The following CAST variants were observed in gnomAD, a reference collection of about 807,000 sequenced individuals.
The protein encoded by CAST is MIR583 host.
In CAST, 76 loss-of-function variants were observed where a neutral mutation model predicts 119.6. That is an observed-to-expected ratio of 0.64 (90% confidence interval 0.53 to 0.77). The LOEUF is 0.77. CAST is among the 30% of genes least tolerant of loss of function. The pLI, the probability that CAST is intolerant of heterozygous loss-of-function variation, is 0.00. For synonymous variants in CAST, 319 were observed against 331.6 expected (o/e 0.96, Z 0.41); for missense variants, 953 against 946.5 (o/e 1.01, Z -0.09).
the CAST span, among the ~76,000 whole-genome samples, chr5:96,066,266 T>C: frequency 0.65 from 98,499 of 151,974 alleles, 32,019 homozygotes; most frequent in Middle Eastern, 0.68. Context: ...AGACAGCCTG[T>C]ATCCCTTTTG....
At chr5:96,473,444 G>A in the CAST span, among the ~76,000 whole-genome samples, 19 of 152,224 alleles carry the variant, frequency 1.2e-4, no homozygotes, top group African/African-American at 4.3e-4. Flanking sequence ...TTGGAAGCAG[G>A]CAGTTTATGT....
At chr5:96,358,026 C>T in the CAST span, among the ~76,000 whole-genome samples, 4 of 152,132 alleles carry the variant, frequency 2.6e-5, 1 homozygote, top group Non-Finnish European at 5.9e-5. Context: ...TTGGTCTATT[C>T]AGAGATTCAA....
the CAST span, among the ~76,000 whole-genome samples, chr5:95,992,261 C>A: frequency 1.3e-5 from 2 of 152,160 alleles, no homozygotes; most frequent in African/African-American, 4.8e-5. Flanking sequence ...CAATTGTCCT[C>A]CCAACCGATA....
chr5:96,594,015 G>T (rs192074565), intron 1 of CAST, among the ~76,000 whole-genome samples: 19 of 152,312 alleles, frequency 1.2e-4, no homozygotes, highest in Non-Finnish European at 4.4e-5. Context: ...CAGAATTCCA[G>T]TGCACCCACA....
chr5:96,486,139 T>C, the CAST span, among the ~76,000 whole-genome samples: 22 of 152,076 alleles, frequency 1.4e-4, 1 homozygote, highest in Admixed American at 1.4e-3. Context: ...GACAATGTGT[T>C]CAAAGGTAGG....
At chr5:96,192,380 T>C in the CAST span, among the ~76,000 whole-genome samples, 1 of 152,228 alleles carries the variant, frequency 6.6e-6, no homozygotes, top group Non-Finnish European at 1.5e-5. Context: ...ACAGGCATGA[T>C]AAGAGAAGAT....
chr5:95,996,976 A>C, the CAST span, among the ~76,000 whole-genome samples: 2 of 152,152 alleles, frequency 1.3e-5, no homozygotes, highest in Non-Finnish European at 2.9e-5. Context: ...AGTAAAACAA[A>C]AAAAAAGACA....
At chr5:96,340,558 G>A in the CAST span, among the ~76,000 whole-genome samples, 345 of 152,240 alleles carry the variant, frequency 2.3e-3, 4 homozygotes, top group African/African-American at 8.1e-3. Flanking sequence ...AGTAATATTC[G>A]TGATGTGTTT....
the CAST span, among the ~76,000 whole-genome samples, chr5:95,993,672 G>A: frequency 2.0e-5 from 3 of 152,144 alleles, no homozygotes; most frequent in South Asian, 4.1e-4. Context: ...TTTTGTGAAA[G>A]GTACATTAAG....
intron 25 of CAST, chr5:96,763,245 G>T (rs1768643072): frequency 1.3e-6 from 1 of 780,570 alleles, no homozygotes; most frequent in African/African-American, 1.7e-5. Context: ...ATATCCAGAG[G>T]CACAAATGAC....
chr5:96,247,080 T>C, the CAST span, among the ~76,000 whole-genome samples: 42 of 152,342 alleles, frequency 2.8e-4, no homozygotes, highest in African/African-American at 8.9e-4. Flanking sequence ...TTATTTGGGG[T>C]TTGACTGGTT....
At chr5:96,176,742 CT>C in the CAST span, among the ~76,000 whole-genome samples, 1 of 152,136 alleles carries the variant, frequency 6.6e-6, no homozygotes, top group African/African-American at 2.4e-5. Context: ...TGATAAGGAC[CT>C]TTTCATAACC....
At chr5:96,180,959 C>G in the CAST span, among the ~76,000 whole-genome samples, 1 of 152,152 alleles carries the variant, frequency 6.6e-6, no homozygotes, top group African/African-American at 2.4e-5. Flanking sequence ...ACAAAATGAT[C>G]AATTTATTTA....
intron 1 of CAST, among the ~76,000 whole-genome samples, chr5:96,546,721 A>G (rs1030255476): frequency 6.6e-6 from 1 of 152,224 alleles, no homozygotes; most frequent in Non-Finnish European, 1.5e-5. Context: ...TCAAAGAAGC[A>G]CACTCAAATC....
the CAST span, among the ~76,000 whole-genome samples, chr5:96,213,157 T>TA: frequency 6.6e-6 from 1 of 152,052 alleles, no homozygotes; most frequent in African/African-American, 2.4e-5. Flanking sequence ...AAATATTGTG[T>TA]AATGTCACTC....
chr5:96,220,315 A>G, the CAST span, among the ~76,000 whole-genome samples: 1 of 152,302 alleles, frequency 6.6e-6, no homozygotes, highest in Non-Finnish European at 1.5e-5. Flanking sequence ...CCCCCTCTTC[A>G]TGCATTTTAA....
chr5:96,158,951 CT>C, the CAST span, among the ~76,000 whole-genome samples: 30 of 152,238 alleles, frequency 2.0e-4, no homozygotes, highest in Non-Finnish European at 2.2e-4. Context: ...CTGAAATTGA[CT>C]TAGCAACACT....
the CAST span, among the ~76,000 whole-genome samples, chr5:96,172,278 T>C: frequency 6.6e-6 from 1 of 152,182 alleles, no homozygotes; most frequent in Non-Finnish European, 1.5e-5. Flanking sequence ...TTTTCACTTC[T>C]TTTGTGGTGG....
intron 1 of CAST, among the ~76,000 whole-genome samples, chr5:96,627,752 A>G (rs543877782): frequency 6.6e-6 from 1 of 152,358 alleles, no homozygotes; most frequent in East Asian, 1.9e-4. Context: ...AAGGAGAGGA[A>G]CCTAGATAGG....
Sources: gnomAD v4.1 joint callset for allele counts (sites outside exome capture counted in the v4.1 genomes callset) on GRCh38, gnomAD v4.1.1 for gene constraint, MANE v1.5 for transcripts, NCBI Gene and HGNC (gene_info 2026-07-23, HGNC 2026-07-21) for gene names.